SH3GL2: variants seen among roughly 807,000 people sequenced by gnomAD.
SH3GL2 encodes endophilin-A1.
In SH3GL2, 24 loss-of-function variants were observed where a neutral mutation model predicts 46.0. The observed-to-expected ratio is 0.52, with a 90% CI of 0.38 to 0.73. The LOEUF (loss-of-function observed/expected upper bound fraction) is 0.73. SH3GL2 is among the 30% of genes least tolerant of loss of function. The pLI, the probability that SH3GL2 is intolerant of heterozygous loss-of-function variation, is 0.00. For missense variants in SH3GL2, 413 were observed against 424.2 expected, an observed-to-expected ratio of 0.97 and a Z score of 0.23; for synonymous variants, 196 against 147.1, an observed-to-expected ratio of 1.33 and a Z score of -2.40.
chr9:17,654,268 A>T (rs1250352497), intron 1 of SH3GL2, among the ~76,000 whole-genome samples: 1 of 152,200 alleles, frequency 6.6e-6, no homozygotes, highest in Non-Finnish European at 1.5e-5. Context: ...CTCATGTATC[A>T]TTCATAATAT....
intron 1 of SH3GL2, among the ~76,000 whole-genome samples, chr9:17,688,573 G>A (rs903043268): frequency 2.6e-5 from 4 of 151,936 alleles, no homozygotes; most frequent in Non-Finnish European, 5.9e-5. Flanking sequence ...CGGAGAAATG[G>A]CTGATTCTAG....
intron 1 of SH3GL2, among the ~76,000 whole-genome samples, chr9:17,661,900 T>C (rs1820225626): frequency 6.6e-6 from 1 of 152,206 alleles, no homozygotes; most frequent in South Asian, 2.1e-4. Context: ...TTATAATACT[T>C]CTCTCATAGG....
At chr9:17,788,705 T>A (rs9407875) in intron 5 of SH3GL2, among the ~76,000 whole-genome samples, 81,613 of 151,826 alleles carry the variant, frequency 0.54, 23,003 homozygotes, top group East Asian at 0.87. Flanking sequence ...AATCCCTTGG[T>A]AGGTCCCTTC....
chr9:17,602,902 A>G (rs1372278466), intron 1 of SH3GL2, among the ~76,000 whole-genome samples: 1 of 152,236 alleles, frequency 6.6e-6, no homozygotes, highest in Non-Finnish European at 1.5e-5. Flanking sequence ...AATCCCCTGC[A>G]AAGTTCATTA....
At chr9:17,746,932 T>C in intron 1 of SH3GL2, 134 bp from the exon 2 acceptor site, 6 of 621,646 alleles carry the variant, frequency 9.7e-6, no homozygotes, top group Non-Finnish European at 5.6e-6. Context: ...GCTATAAAAA[T>C]GAGACTCTCC....
At chr9:17,667,116 T>A (rs1037965135) in intron 1 of SH3GL2, among the ~76,000 whole-genome samples, 1 of 152,166 alleles carries the variant, frequency 6.6e-6, no homozygotes, top group Non-Finnish European at 1.5e-5. Flanking sequence ...TTAAACATAT[T>A]TGGTATATAT....
At chr9:17,607,392 T>C (rs550924682) in intron 1 of SH3GL2, among the ~76,000 whole-genome samples, 86 of 152,296 alleles carry the variant, frequency 5.6e-4, no homozygotes, top group Middle Eastern at 6.8e-3. Flanking sequence ...AAAAATAGTA[T>C]AACTGTACAG....
At chr9:17,619,783 C>G (rs942209589) in intron 1 of SH3GL2, among the ~76,000 whole-genome samples, 9 of 152,176 alleles carry the variant, frequency 5.9e-5, no homozygotes, top group African/African-American at 1.9e-4. Flanking sequence ...AGAAAATTGA[C>G]ATGGACACAT....
intron 1 of SH3GL2, among the ~76,000 whole-genome samples, chr9:17,600,445 G>C (rs1250952444): frequency 6.6e-6 from 1 of 152,204 alleles, no homozygotes; most frequent in African/African-American, 2.4e-5. Context: ...AAACAGCACA[G>C]CTGGCTCCGA....
intron 3 of SH3GL2, among the ~76,000 whole-genome samples, chr9:17,766,542 A>G (rs1259172739): frequency 6.6e-6 from 1 of 152,222 alleles, no homozygotes; most frequent in Non-Finnish European, 1.5e-5. Flanking sequence ...CAAGCCACAT[A>G]TGTAATTTTG....
intron 1 of SH3GL2, among the ~76,000 whole-genome samples, chr9:17,722,832 A>G (rs2118354785): frequency 6.6e-6 from 1 of 152,206 alleles, no homozygotes; most frequent in East Asian, 1.9e-4. Flanking sequence ...CTAGGATTCC[A>G]GTAGGATGTG....
chr9:17,717,156 A>T (rs1437049602), intron 1 of SH3GL2, among the ~76,000 whole-genome samples: 1 of 152,106 alleles, frequency 6.6e-6, no homozygotes, highest in Non-Finnish European at 1.5e-5. Context: ...GTCTCAAGGG[A>T]CAGACTTGTG....
At chr9:17,656,782 AAAAAAC>A (rs1820089143) in intron 1 of SH3GL2, among the ~76,000 whole-genome samples, 1 of 151,126 alleles carries the variant, frequency 6.6e-6, no homozygotes, top group South Asian at 2.1e-4. Flanking sequence ...AAAAAAAAAA[AAAAAAC>A]AAAAAAGGCT....
At chr9:17,783,261 G>A (rs572987547) in intron 3 of SH3GL2, among the ~76,000 whole-genome samples, 7 of 151,896 alleles carry the variant, frequency 4.6e-5, no homozygotes, top group Non-Finnish European at 8.8e-5. Flanking sequence ...TCATTTTAAT[G>A]GACTCTGCTG....
intron 1 of SH3GL2, among the ~76,000 whole-genome samples, chr9:17,611,519 T>C (rs1242859274): frequency 6.6e-6 from 1 of 152,168 alleles, no homozygotes; most frequent in Non-Finnish European, 1.5e-5. Context: ...GTCATCGCAT[T>C]GGTGTGTTTG....
chr9:17,686,591 A>G (rs1439280087), intron 1 of SH3GL2, among the ~76,000 whole-genome samples: 2 of 146,100 alleles, frequency 1.4e-5, no homozygotes, highest in African/African-American at 2.5e-5. Flanking sequence ...CATATACACC[A>G]TGGAATACTA....
chr9:17,781,933 C>G (rs868754433), intron 3 of SH3GL2, among the ~76,000 whole-genome samples: 1 of 152,104 alleles, frequency 6.6e-6, no homozygotes, highest in Non-Finnish European at 1.5e-5. Flanking sequence ...CACTCTGCCT[C>G]ACAGCAGTGA....
intron 3 of SH3GL2, among the ~76,000 whole-genome samples, chr9:17,776,813 A>G (rs769260712): frequency 6.6e-6 from 1 of 151,966 alleles, no homozygotes; most frequent in Non-Finnish European, 1.5e-5. Flanking sequence ...TGGAAGAAAA[A>G]CCTTGATTTG....
chr9:17,626,998 C>T (rs1389430349), intron 1 of SH3GL2, among the ~76,000 whole-genome samples: 2 of 152,150 alleles, frequency 1.3e-5, no homozygotes, highest in Non-Finnish European at 2.9e-5. Context: ...CACTTTCTGT[C>T]AGGCCCTGGT....
Sources: allele counts gnomAD v4.1 joint callset (sites outside exome capture counted in the v4.1 genomes callset), GRCh38; gene constraint gnomAD v4.1.1; transcripts MANE v1.5; gene names NCBI Gene and HGNC (gene_info 2026-07-23, HGNC 2026-07-21).